The following FAM184B variants were observed in gnomAD, a reference collection of about 807,000 sequenced individuals.
FAM184B encodes the protein family with sequence similarity 184 member B.
Under a neutral mutation model 135.9 loss-of-function variants are expected in FAM184B, and 111 were observed. The ratio of observed to expected loss-of-function variants is 0.82; its 90% CI spans 0.70 to 0.96. The LOEUF (loss-of-function observed/expected upper bound fraction) is 0.96, where lower values mean the gene tolerates loss of function less well. Among genes scored for constraint, FAM184B ranks in the 40% least tolerant of loss-of-function variants. FAM184B has a pLI of 0.00. For synonymous variants in FAM184B, 552 were observed against 524.8 expected, an observed-to-expected ratio of 1.05 and a Z score of -0.71; for missense variants, 1,375 against 1,323.9, an observed-to-expected ratio of 1.04 and a Z score of -0.60.
chr4:17,712,746 CA>C (rs61040302), intron 1 of FAM184B, among the ~76,000 whole-genome samples: 6 of 147,748 alleles, frequency 4.1e-5, no homozygotes, highest in Admixed American at 6.7e-5. Context: ...GTTTAGAAAA[CA>C]AAAAAAAAGC....
intron 10 of FAM184B, among the ~76,000 whole-genome samples, chr4:17,653,612 G>A (rs1715693853): frequency 6.6e-6 from 1 of 151,944 alleles, no homozygotes; most frequent in South Asian, 2.1e-4. Context: ...GTCCCACTGT[G>A]TGTCAAACAC....
Position 17,632,641 on chromosome 4 carries a change from G to T in FAM184B, c.3090-16C>A, listed in dbSNP as rs1028657785. 1.9e-5 allele frequency: 19 copies of T among 1,012,376 alleles called. No homozygotes were observed. Among genetic ancestry groups the T allele is most frequent in the Non-Finnish European group, 2.8e-5 (19 of 686,790 alleles). 62.7% of individuals were successfully genotyped at this position (1,012,376 alleles called of 1,614,324 possible). On this transcript the variant is annotated splice_polypyrimidine_tract_variant and intron_variant, in intron 17 of 17. Transcript: ENST00000265018. ...ATCTGGGGTCCTAAAAGCAAAAAAAGGTTTTTTTATATGGTTTTGAAAACT... is the reference window on the plus strand; with the variant it reads ...ATCTGGGGTCCTAAAAGCAAAAAAATGTTTTTTTATATGGTTTTGAAAACT...
At chr4:17,634,192 C>G in intron 16 of FAM184B, 1 of 242,510 alleles carries the variant, frequency 4.1e-6, no homozygotes, top group Non-Finnish European at 7.8e-6. Context: ...ATGGGCCCAC[C>G]CTAGCCTCAA....
rs190116460 is a variant in FAM184B at position 17,670,859 on chromosome 4, C to G, written c.1597-6200G>C. Among the ~76,000 whole-genome samples the G allele has an allele frequency of 1.6e-4, 25 of 152,314 alleles. No individual in the cohort carries two copies. In the East Asian group the frequency reaches 4.6e-3, roughly 28 times the overall value. On this transcript the variant is annotated intron_variant, in intron 7 of 17. Coordinates refer to ENST00000265018, the MANE Select transcript of FAM184B (RefSeq NM_015688.2). ...AATTCCATATCACTGCACTGACACTCAGCTGTGCTGTGTTAACCTGATTGT... is the reference window on the plus strand; with the variant it reads ...AATTCCATATCACTGCACTGACACTGAGCTGTGCTGTGTTAACCTGATTGT...
At position 17,630,684 on chromosome 4, in the gene FAM184B, G is replaced by GTGTT. The variant is rs956012092; in HGVS notation, c.*1844_*1847dup. 1.3e-5 allele frequency: 2 copies of GTGTT among 152,164 alleles called. No individual in the cohort carries two copies. The highest frequency in any genetic ancestry group is 6.5e-5 in the Admixed American group (1 of 15,272). The allele number at this position is 152,164 out of a possible 1,614,324, so 9.4% of individuals were successfully genotyped here. A position where few individuals can be genotyped will look rare whatever the true frequency, so the allele number is the denominator to read the frequency against. ...ATGGTGTGTTAATGTATGGTGACAA[G>GTGTT]TGTTTGTTTGCATTTAAAAATGCAT... On this transcript the variant is annotated 3_prime_UTR_variant, in exon 18 of 18. Transcript: ENST00000265018.
chr4:17,742,920 C>A (rs1718076602), intron 1 of FAM184B, among the ~76,000 whole-genome samples: 1 of 152,246 alleles, frequency 6.6e-6, no homozygotes, highest in South Asian at 2.1e-4. Context: ...GGCACTTGAC[C>A]ATCCCTGGAC....
At chr4:17,691,589 G>A (rs1716736001) in intron 6 of FAM184B, among the ~76,000 whole-genome samples, 1 of 151,764 alleles carries the variant, frequency 6.6e-6, no homozygotes, top group East Asian at 1.9e-4. Flanking sequence ...GGGAGGCTGA[G>A]GCAGGAGAAT....
In FAM184B at chr4:17,739,555, G is replaced by GTTTTTGTTTTTT. The variant is rs1553841421; in HGVS notation, c.142-29912_142-29911insAAAAAACAAAAA. Among the ~76,000 whole-genome samples the GTTTTTGTTTTTT allele has an allele frequency of 3.2e-5, 2 of 62,510 alleles. 1 individual carries two copies. Among genetic ancestry groups the GTTTTTGTTTTTT allele is most frequent in the African/African-American group, 1.2e-4 (2 of 16,254 alleles). 41.0% of individuals were successfully genotyped at this position (62,510 alleles called of 152,430 possible). On this transcript the variant is annotated intron_variant, in intron 1 of 17. Transcript: ENST00000265018. ...CCCTACACCATATGTCATACCAACT[G>GTTTTTGTTTTTT]TTTTTTTTTTTTTTTTGAGATGGGG...
intron 1 of FAM184B, among the ~76,000 whole-genome samples, chr4:17,709,910 C>T (rs772166259): frequency 1.3e-5 from 2 of 152,166 alleles, no homozygotes; most frequent in Non-Finnish European, 2.9e-5. Context: ...GGCCGAATTC[C>T]GAAGGGGACC....
At chr4:17,761,049 G>A (rs971479404) in intron 1 of FAM184B, among the ~76,000 whole-genome samples, 1 of 152,228 alleles carries the variant, frequency 6.6e-6, no homozygotes, top group Non-Finnish European at 1.5e-5. Flanking sequence ...CAGGGATACT[G>A]CTGAACAACT....
intron 11 of FAM184B, among the ~76,000 whole-genome samples, chr4:17,649,153 A>G (rs1267015297): frequency 6.6e-6 from 1 of 152,204 alleles, no homozygotes; most frequent in Non-Finnish European, 1.5e-5. Context: ...AAAATAAACA[A>G]ATGATCTTTA....
At chr4:17,710,327 A>AAAACAAAC (rs146569453) in intron 1 of FAM184B, among the ~76,000 whole-genome samples, 44,476 of 151,026 alleles carry the variant, frequency 0.29, 7,086 homozygotes, top group Middle Eastern at 0.37. Flanking sequence ...CTCCATCACA[A>AAAACAAAC]AAACAAACAA....
intron 1 of FAM184B, among the ~76,000 whole-genome samples, chr4:17,779,879 G>A (rs1719001829): frequency 6.6e-6 from 1 of 152,222 alleles, no homozygotes; most frequent in Non-Finnish European, 1.5e-5. Flanking sequence ...TAGAGAAGAT[G>A]CCTTGCACTG....
At chr4:17,691,263 T>C (rs370759666) in intron 6 of FAM184B, among the ~76,000 whole-genome samples, 5 of 152,334 alleles carry the variant, frequency 3.3e-5, no homozygotes, top group African/African-American at 1.2e-4. Context: ...GTGTCATTTG[T>C]ATATAGAGAT....
At chr4:17,644,118 T>G (rs1393483766) in intron 12 of FAM184B, among the ~76,000 whole-genome samples, 1 of 152,160 alleles carries the variant, frequency 6.6e-6, no homozygotes, top group Non-Finnish European at 1.5e-5. Flanking sequence ...GCCGGGTTTA[T>G]GAGCCGCAGG....
intron 6 of FAM184B, 47 bp from the exon 7 acceptor site, chr4:17,688,578 C>G: frequency 7.3e-7 from 1 of 1,373,184 alleles, no homozygotes; most frequent in African/African-American, 1.5e-5. Context: ...CAGGTTCTAC[C>G]TCCTCGATAC....
chr4:17,658,215 A>G, intron 10 of FAM184B, 135 bp downstream of exon 10: 2 of 835,098 alleles, frequency 2.4e-6, no homozygotes, highest in Non-Finnish European at 3.7e-6. Context: ...ATCTGGAAAA[A>G]GGGAATACAA....
At chr4:17,751,118 G>C (rs1296149263) in intron 1 of FAM184B, among the ~76,000 whole-genome samples, 2 of 151,894 alleles carry the variant, frequency 1.3e-5, no homozygotes, top group Admixed American at 1.3e-4. Context: ...AACCAGCCTG[G>C]TCAACATGAT....
At chr4:17,780,655 C>A (rs1577300719) in intron 1 of FAM184B, among the ~76,000 whole-genome samples, 1 of 152,190 alleles carries the variant, frequency 6.6e-6, no homozygotes, top group East Asian at 1.9e-4. Flanking sequence ...CACGTCTGCA[C>A]CCAGTTTGAT....
Sources: gnomAD v4.1 joint callset for allele counts (sites outside exome capture counted in the v4.1 genomes callset) on GRCh38, gnomAD v4.1.1 for gene constraint, MANE v1.5 for transcripts, NCBI Gene and HGNC (gene_info 2026-07-23, HGNC 2026-07-21) for gene names.